The following ARMCX4 variants were observed in gnomAD, a reference collection of about 807,000 sequenced individuals.
ARMCX4 encodes the protein armadillo repeat-containing X-linked protein 4.
ARMCX4 carries 3 observed loss-of-function variants against 34.7 expected under a neutral mutation model. The observed-to-expected ratio is 0.09, with a 90% CI of 0.04 to 0.22. ARMCX4 has a LOEUF of 0.22. Among genes scored for constraint, ARMCX4 ranks in the 10% least tolerant of loss-of-function variants. ARMCX4 has a pLI of 1.00. For missense variants in ARMCX4, 1,448 were observed against 1,720.8 expected (o/e 0.84, Z 2.81); for synonymous variants, 513 against 632.8 (o/e 0.81, Z 2.84).
At chrX:101,496,139 C>CGA (rs1265130542), downstream of ARMCX4, among the ~76,000 whole-genome samples, 5 of 108,452 alleles carry the variant, frequency 4.6e-5, no homozygotes, top group African/African-American at 6.7e-5. Flanking sequence ...AGGGTAGTGA[C>CGA]GAGAGAGAGA....
Position 101,494,385 on chromosome X carries a change from C to T in ARMCX4, c.5796C>T (p.Thr1932=). Residue 1932 remains threonine (T), a synonymous_variant, in exon 6 of 6, where the codon ACC becomes ACT. Coordinates refer to ENST00000423738, the MANE Select transcript of ARMCX4 (RefSeq NM_001256155.3). ...ASFESGAGDN[T]SIKDKFEAAG... The stretch of plus-strand genomic sequence containing the variant: ...TTGAGTCTGGAGCTGGGGATAACAC[C>T]AGCATCAAGGATAAGTTTGAGGCTG... The T allele has an allele frequency of 8.7e-7, 1 of 1,155,344 alleles. No individual in the cohort carries two copies. Among genetic ancestry groups the T allele is most frequent in the Non-Finnish European group, 1.1e-6 (1 of 872,653 alleles).
At chrX:101,531,238 A>T (rs1011969334) in intron 11 of ARMCX4, among the ~76,000 whole-genome samples, 1 of 112,013 alleles carries the variant, frequency 8.9e-6, no homozygotes, top group Admixed American at 9.5e-5. Flanking sequence ...ATAGAACTGG[A>T]TAATCTTCCT....
intron 7 of ARMCX4, among the ~76,000 whole-genome samples, chrX:101,504,447 G>C (rs934659696): frequency 1.2e-4 from 13 of 110,499 alleles, no homozygotes; most frequent in Non-Finnish European, 2.5e-4. Flanking sequence ...GTGTGTGTGT[G>C]TGTGTGAGAG....
chrX:101,502,209 G>A (rs1481056914), intron 7 of ARMCX4, among the ~76,000 whole-genome samples: 1 of 111,852 alleles, frequency 8.9e-6, no homozygotes, highest in Non-Finnish European at 1.9e-5. Context: ...AAGGTATAAG[G>A]TTGAGTAGCC....
At chrX:101,437,227 C>T (rs2147549330) in intron 2 of ARMCX4, among the ~76,000 whole-genome samples, 1 of 111,934 alleles carries the variant, frequency 8.9e-6, no homozygotes, top group East Asian at 2.8e-4. Flanking sequence ...ATGGTACCAG[C>T]TCCTCCTTGT....
At position 101,490,148 on chromosome X, in the gene ARMCX4, C is replaced by G; in HGVS notation, c.1559C>G (p.Ala520Gly). ...AQGMAQSQGEALPNTRGKARG... is the reference protein window; with the variant it reads ...AQGMAQSQGEGLPNTRGKARG... The stretch of plus-strand genomic sequence containing the variant: ...GGTATGGCCCAGAGCCAGGGTGAAG[C>G]CTTACCTAATACTAGAGGTAAGGCT... Residue 520 changes from alanine (A) to glycine (G), a missense_variant, in exon 6 of 6, where the codon GCC becomes GGC. Physicochemically the swap from Ala to Gly is moderately conservative, Grantham distance 60. This residue lies in a region of ARMCX4 where 1,343 missense variants were observed against 1,540.7 expected (regional missense o/e 0.87). Transcript: ENST00000423738. The G allele has an allele frequency of 2.6e-6, 3 of 1,155,726 alleles. No homozygotes were observed. Among genetic ancestry groups the G allele is most frequent in the Non-Finnish European group, 3.4e-6 (3 of 872,883 alleles).
chrX:101,433,250 A>G (rs1822956546), intron 2 of ARMCX4, among the ~76,000 whole-genome samples: 1 of 25,885 alleles, frequency 3.9e-5, no homozygotes, highest in Non-Finnish European at 1.3e-4. Flanking sequence ...GTATATATAC[A>G]CACATATATA....
downstream of ARMCX4, among the ~76,000 whole-genome samples, chrX:101,533,778 T>C (rs182024948): frequency 8.0e-5 from 9 of 111,984 alleles, no homozygotes; most frequent in East Asian, 2.5e-3. Context: ...CCATTAAAAT[T>C]AGGAAAAAGA....
downstream of ARMCX4, among the ~76,000 whole-genome samples, chrX:101,535,833 T>A (rs1231184642): frequency 1.1e-4 from 12 of 111,730 alleles, no homozygotes; most frequent in Non-Finnish European, 2.1e-4. Context: ...ATATTTAAAA[T>A]AAACAACAGA....
At chrX:101,535,183 T>A (rs1556023218), downstream of ARMCX4, among the ~76,000 whole-genome samples, 1 of 111,257 alleles carries the variant, frequency 9.0e-6, no homozygotes, top group Non-Finnish European at 1.9e-5. Context: ...AAATTGTGGG[T>A]AATAACTCAC....
intron 2 of ARMCX4, among the ~76,000 whole-genome samples, chrX:101,420,855 T>C (rs1486149610): frequency 8.9e-6 from 1 of 112,210 alleles, no homozygotes; most frequent in African/African-American, 3.2e-5. Flanking sequence ...CTAAGAGCCA[T>C]TGGAAGCCCT....
chrX:101,493,328 C>T lies in ARMCX4; in HGVS notation c.4739C>T (p.Ala1580Val), dbSNP rs1390952444. The T allele has an allele frequency of 1.6e-5, 18 of 1,152,985 alleles. No homozygotes were observed. In the African/African-American group the frequency reaches 2.0e-4, roughly 13 times the overall value. Residue 1580 changes from alanine (A) to valine (V), a missense_variant, in exon 6 of 6, where the codon GCC becomes GTC. This residue lies in a region of ARMCX4 where 1,343 missense variants were observed against 1,540.7 expected (regional missense o/e 0.87). Transcript: ENST00000423738. ...TCCAAACCTGGATTTGAGGATCAGG[C>T]CATTGGAGGGGGGTTCTGGCCTGGT... ...GCSKPGFEDQ[A>V]IGGGFWPGAG...
intron 4 of ARMCX4, among the ~76,000 whole-genome samples, chrX:101,470,492 T>G (rs1932876007): frequency 9.1e-6 from 1 of 110,168 alleles, no homozygotes; most frequent in African/African-American, 3.3e-5. Flanking sequence ...TTTGTAATTT[T>G]ATTAATAGTA....
chrX:101,426,355 G>C (rs1462944560), intron 2 of ARMCX4, among the ~76,000 whole-genome samples: 1 of 111,393 alleles, frequency 9.0e-6, no homozygotes, highest in Non-Finnish European at 1.9e-5. Flanking sequence ...GATGTGTGCA[G>C]GTATAGTTGG....
intron 3 of ARMCX4, among the ~76,000 whole-genome samples, chrX:101,444,477 C>G (rs1176998588): frequency 8.9e-6 from 1 of 112,403 alleles, no homozygotes; most frequent in Non-Finnish European, 1.9e-5. Flanking sequence ...TCCTATTAGA[C>G]AATTTTAGCA....
intron 11 of ARMCX4, among the ~76,000 whole-genome samples, chrX:101,530,535 A>AT (rs1248244416): frequency 1.8e-5 from 2 of 112,291 alleles, no homozygotes; most frequent in Admixed American, 9.4e-5. Flanking sequence ...AAAGAAAAAA[A>AT]TTTTAAGGTA....
At chrX:101,496,057 G>T (rs1312870093), downstream of ARMCX4, among the ~76,000 whole-genome samples, 1 of 110,586 alleles carries the variant, frequency 9.0e-6, no homozygotes. Flanking sequence ...GGAGTGATGG[G>T]AAAAAAGGCA....
chrX:101,528,326 A>T (rs996709033), intron 11 of ARMCX4, among the ~76,000 whole-genome samples: 1 of 111,945 alleles, frequency 8.9e-6, no homozygotes. Flanking sequence ...TATTGATGGG[A>T]TGTATATCAA....
rs782055315 is a variant in ARMCX4 at position 101,493,387 on chromosome X, G to A, written c.4798G>A (p.Gly1600Arg). Reference sequence around the variant, plus strand: ...CCAGACTGGTGGAGGCTCCAGGCCAGGGTCTGAGGATCAGTCCAGTGGAAT... The same window carrying A: ...CCAGACTGGTGGAGGCTCCAGGCCAAGGTCTGAGGATCAGTCCAGTGGAAT... Reference protein sequence around the residue: ...GDQTGGGSRPGSEDQSSGIGS... With the variant: ...GDQTGGGSRPRSEDQSSGIGS... Residue 1600 changes from glycine to arginine, a missense_variant, in exon 6 of 6, where the codon GGG becomes AGG. By Grantham distance (125) the Gly-to-Arg change is moderately radical (BLOSUM62 -2). Around this residue, in one of 2 missense-constraint regions of ARMCX4, gnomAD observed 1,343 missense variants for 1,540.7 expected, o/e 0.87. Coordinates refer to ENST00000423738, the MANE Select transcript of ARMCX4 (RefSeq NM_001256155.3). The A allele has an allele frequency of 1.2e-5, 14 of 1,153,066 alleles. No homozygotes were observed. The South Asian group carries it at 2.7e-4, about 22-fold the overall frequency.
Sources: gnomAD v4.1 joint callset for allele counts (sites outside exome capture counted in the v4.1 genomes callset) on GRCh38, gnomAD v4.1.1 for gene constraint, gnomAD v4.1.1 regional missense constraint, MANE v1.5 for transcripts, NCBI Gene and HGNC (gene_info 2026-07-23, HGNC 2026-07-21) for gene names.